The following ROR1 variants were observed in gnomAD, a reference collection of about 807,000 sequenced individuals.
ROR1 encodes ROR family WNT receptor 1.
A neutral mutation model predicts 78.8 loss-of-function variants in ROR1; 19 were observed. The ratio of observed to expected loss-of-function variants is 0.24; its 90% CI spans 0.17 to 0.35. The LOEUF (loss-of-function observed/expected upper bound fraction) is 0.35, where lower values mean the gene tolerates loss of function less well. Among genes scored for constraint, ROR1 ranks in the 10% least tolerant of loss-of-function variants. The pLI, the probability that ROR1 is intolerant of heterozygous loss-of-function variation, is 1.00. For synonymous variants in ROR1, 386 were observed against 433.6 expected (o/e 0.89, Z 1.36); for missense variants, 917 against 1,177.8 (o/e 0.78, Z 3.24).
chr1:63,856,995 TG>T (rs958649020), intron 1 of ROR1, among the ~76,000 whole-genome samples: 2 of 152,190 alleles, frequency 1.3e-5, no homozygotes, highest in Non-Finnish European at 2.9e-5. Flanking sequence ...CGTTAGATTT[TG>T]TTTCCTTGAG....
At chr1:63,804,252 A>G (rs771110503) in intron 1 of ROR1, among the ~76,000 whole-genome samples, 4 of 152,128 alleles carry the variant, frequency 2.6e-5, no homozygotes, top group Non-Finnish European at 4.4e-5. Flanking sequence ...ATAAAATTGC[A>G]CAGAACGCAC....
intron 1 of ROR1, among the ~76,000 whole-genome samples, chr1:63,943,622 G>A (rs1472320613): frequency 6.6e-6 from 1 of 152,208 alleles, no homozygotes; most frequent in Non-Finnish European, 1.5e-5. Context: ...GTCTCTGCAG[G>A]CTGGAGGTGG....
At chr1:63,926,163 C>CT (rs1454528636) in intron 1 of ROR1, among the ~76,000 whole-genome samples, 2 of 151,512 alleles carry the variant, frequency 1.3e-5, no homozygotes, top group Admixed American at 1.3e-4. Context: ...ACGTTTAAGT[C>CT]TTTAATCCAT....
chr1:64,026,127 T>C (rs1424152047), intron 2 of ROR1, among the ~76,000 whole-genome samples: 1 of 152,238 alleles, frequency 6.6e-6, no homozygotes, highest in African/African-American at 2.4e-5. Flanking sequence ...GCCTTTCTTA[T>C]GTTGAGCCAA....
intron 4 of ROR1, among the ~76,000 whole-genome samples, chr1:64,123,723 G>T (rs1648621248): frequency 6.6e-6 from 1 of 152,102 alleles, no homozygotes; most frequent in Non-Finnish European, 1.5e-5. Context: ...TACTTTAACA[G>T]GCACTTGTAG....
rs1482482443 is a variant in ROR1 at position 64,049,995 on chromosome 1, TG to T, written c.451+21del. 7 of 1,613,314 alleles carry T rather than the reference TG, an allele frequency of 4.3e-6. No individual in the cohort carries two copies. The highest frequency in any genetic ancestry group is 2.2e-5 in the South Asian group (2 of 90,932). Reference sequence around the variant, plus strand: ...TCAAGTTTGGTAAGCAGACCCCTACTGGGGATGGACTTTGGCCCTCAGCCCA... The same window carrying T: ...TCAAGTTTGGTAAGCAGACCCCTACTGGGATGGACTTTGGCCCTCAGCCCA... On this transcript the variant is annotated intron_variant, in intron 3 of 8. Coordinates refer to ENST00000371079, the MANE Select transcript of ROR1 (RefSeq NM_005012.4).
intron 1 of ROR1, among the ~76,000 whole-genome samples, chr1:63,932,561 A>C (rs2100446000): frequency 6.6e-6 from 1 of 152,312 alleles, no homozygotes; most frequent in Non-Finnish European, 1.5e-5. Context: ...AAAGCCAAGG[A>C]AGAATGATGC....
At chr1:64,074,256 A>G (rs1647031815) in intron 4 of ROR1, among the ~76,000 whole-genome samples, 1 of 152,196 alleles carries the variant, frequency 6.6e-6, no homozygotes, top group African/African-American at 2.4e-5. Flanking sequence ...TGGACTTGTC[A>G]GTTACATAAG....
At chr1:64,027,209 C>T (rs1001117956) in intron 2 of ROR1, among the ~76,000 whole-genome samples, 1 of 152,146 alleles carries the variant, frequency 6.6e-6, no homozygotes, top group African/African-American at 2.4e-5. Context: ...TGTTATTGCC[C>T]ACAGAATCTC....
intron 1 of ROR1, among the ~76,000 whole-genome samples, chr1:63,790,888 A>T (rs1644722252): frequency 6.6e-6 from 1 of 152,166 alleles, no homozygotes; most frequent in African/African-American, 2.4e-5. Context: ...AGCCATCTGG[A>T]TGCAAAGATG....
At chr1:63,957,936 G>T (rs945136178) in intron 1 of ROR1, among the ~76,000 whole-genome samples, 1 of 151,920 alleles carries the variant, frequency 6.6e-6, no homozygotes, top group African/African-American at 2.4e-5. Context: ...TAGAGATGGG[G>T]TTTCACCATG....
At chr1:63,895,180 A>T (rs949674165) in intron 1 of ROR1, among the ~76,000 whole-genome samples, 1 of 152,194 alleles carries the variant, frequency 6.6e-6, no homozygotes, top group African/African-American at 2.4e-5. Context: ...TAATGGCGGG[A>T]TAGTTGGCCA....
At position 63,842,227 on chromosome 1, in the gene ROR1, A is replaced by G. The variant is rs150712578; in HGVS notation, c.91+67719A>G. Among the ~76,000 whole-genome samples, 450 of 150,562 alleles carry G rather than the reference A, an allele frequency of 3.0e-3. 6 individuals carry two copies. Among genetic ancestry groups the G allele is most frequent in the Admixed American group, 0.024 (362 of 15,262 alleles). On this transcript the variant is annotated intron_variant, in intron 1 of 8. Transcript: ENST00000371079. The stretch of plus-strand genomic sequence containing the variant: ...ATCATCAAGAACTGTGAAGGATTTG[A>G]GACTTTATCTTACTTGCAAATGAAC...
intron 2 of ROR1, 38 bp downstream of exon 2, chr1:64,009,414 G>C: frequency 6.7e-7 from 1 of 1,483,526 alleles, no homozygotes; most frequent in East Asian, 2.3e-5. Context: ...CGAGGAAAGA[G>C]GTGTGGAACT....
intron 1 of ROR1, among the ~76,000 whole-genome samples, chr1:63,842,410 G>A (rs370458588): frequency 2.6e-5 from 4 of 152,164 alleles, no homozygotes; most frequent in Admixed American, 1.3e-4. Flanking sequence ...AGAGGGCCAG[G>A]TGACATCCAT....
chr1:64,015,112 A>G (rs572363809), intron 2 of ROR1, among the ~76,000 whole-genome samples: 58 of 152,118 alleles, frequency 3.8e-4, no homozygotes, highest in African/African-American at 1.3e-3. Context: ...GAGCTTGTGC[A>G]GAGAAACTCC....
intron 1 of ROR1, among the ~76,000 whole-genome samples, chr1:63,967,242 G>A (rs1646082732): frequency 6.6e-6 from 1 of 152,128 alleles, no homozygotes; most frequent in South Asian, 2.1e-4. Flanking sequence ...GTGGGAATAA[G>A]TATAAGAATT....
chr1:63,886,097 A>T (rs1645354960), intron 1 of ROR1, among the ~76,000 whole-genome samples: 1 of 152,166 alleles, frequency 6.6e-6, no homozygotes, highest in African/African-American at 2.4e-5. Context: ...GATCCCTCGC[A>T]TGCGCAGTTC....
intron 1 of ROR1, among the ~76,000 whole-genome samples, chr1:63,806,075 G>A (rs1205843119): frequency 6.6e-6 from 1 of 152,184 alleles, no homozygotes; most frequent in African/African-American, 2.4e-5. Context: ...TGCCCTTTTG[G>A]AGATTTATAA....
Sources: gnomAD v4.1 joint callset for allele counts (sites outside exome capture counted in the v4.1 genomes callset) on GRCh38, gnomAD v4.1.1 for gene constraint, MANE v1.5 for transcripts, NCBI Gene and HGNC (gene_info 2026-07-23, HGNC 2026-07-21) for gene names.